ARHGAP15: variants seen among roughly 807,000 people sequenced by gnomAD.
The protein encoded by ARHGAP15 is rho GTPase-activating protein 15.
In ARHGAP15, 51 loss-of-function variants were observed where a neutral mutation model predicts 63.7. The observed-to-expected ratio is 0.80, with a 90% CI of 0.64 to 1.01. The LOEUF is 1.01. Among genes scored for constraint, ARHGAP15 ranks in the 50% least tolerant of loss-of-function variants. The probability of loss-of-function intolerance (pLI) is 0.00; values close to 1 mark genes in which losing one functional copy is unlikely to be tolerated. For missense variants in ARHGAP15, 560 were observed against 564.6 expected (o/e 0.99, Z 0.08); for synonymous variants, 191 against 193.8 (o/e 0.99, Z 0.12).
chr2:143,745,533 C>T (rs1686131258), intron 13 of ARHGAP15, among the ~76,000 whole-genome samples: 1 of 152,278 alleles, frequency 6.6e-6, no homozygotes, highest in East Asian at 1.9e-4. Flanking sequence ...AATCTTGTTT[C>T]TGCCTTTCTA....
intron 11 of ARHGAP15, among the ~76,000 whole-genome samples, chr2:143,609,002 A>T (rs1168347449): frequency 6.6e-6 from 1 of 152,152 alleles, no homozygotes; most frequent in Non-Finnish European, 1.5e-5. Context: ...GCAAGTTTTC[A>T]TGTATTTCTG....
Position 143,303,597 on chromosome 2 carries a change from A to G in ARHGAP15, c.474+52997A>G, listed in dbSNP as rs140113073. On this transcript the variant is annotated intron_variant, in intron 6 of 13. Transcript: ENST00000295095. ...TAAAACACTAAAAGCAATGGCAACA[A>G]AAGCCAAAATTGACAAATGAGATCT... Among the ~76,000 whole-genome samples, 1,462 of 152,278 alleles carry G rather than the reference A, an allele frequency of 9.6e-3. 25 individuals carry two copies. The highest frequency in any genetic ancestry group is 0.034 in the African/African-American group (1,396 of 41,552).
intron 12 of ARHGAP15, among the ~76,000 whole-genome samples, chr2:143,652,675 TAATTCTATTGTA>T (rs1233411916): frequency 6.6e-6 from 1 of 152,102 alleles, no homozygotes; most frequent in Non-Finnish European, 1.5e-5. Flanking sequence ...TTCATATTCT[TAATTCTATTGTA>T]AATTGTATCC....
intron 2 of ARHGAP15, among the ~76,000 whole-genome samples, chr2:143,189,086 T>A (rs1204168225): frequency 6.6e-6 from 1 of 152,220 alleles, no homozygotes; most frequent in African/African-American, 2.4e-5. Context: ...ATTTGATTGA[T>A]AATTTAACAG....
chr2:143,257,026 AAAT>A lies in ARHGAP15; in HGVS notation c.474+6432_474+6434del, dbSNP rs533032200. Among the ~76,000 whole-genome samples, 4 of 152,254 alleles carry A rather than the reference AAAT, an allele frequency of 2.6e-5. No individual in the cohort carries two copies. In the East Asian group the frequency reaches 5.8e-4, roughly 22 times the overall value. On this transcript the variant is annotated intron_variant, in intron 6 of 13. Transcript: ENST00000295095. ...CTTTTTGCACGTTTAATTTTCTAAG[AAAT>A]AATAAAACTTTTTTAAAAAATATAT...
chr2:143,474,696 G>GTTT (rs1691730847), intron 8 of ARHGAP15, among the ~76,000 whole-genome samples: 1 of 152,052 alleles, frequency 6.6e-6, no homozygotes, highest in South Asian at 2.1e-4. Flanking sequence ...AAACAATTTG[G>GTTT]GCGTCTTTTT....
rs183198083 is a variant in ARHGAP15, at chr2:143,170,840, G to T, written c.165+15185G>T. 2.3e-3 allele frequency among the ~76,000 whole-genome samples: 346 copies of T among 152,056 alleles called. 1 individual carries two copies. The highest frequency in any genetic ancestry group is 3.7e-3 in the Non-Finnish European group (251 of 67,966). Reference sequence around the variant, plus strand: ...AACTTATTTATCCTCATTATTATTAGTCAGCATTTTATGTGTTCATATTAT... The same window carrying T: ...AACTTATTTATCCTCATTATTATTATTCAGCATTTTATGTGTTCATATTAT... On this transcript the variant is annotated intron_variant, in intron 2 of 13. Transcript: ENST00000295095.
chr2:143,207,313 T>C, intron 3 of ARHGAP15, among the ~76,000 whole-genome samples: 1 of 152,110 alleles, frequency 6.6e-6, no homozygotes, highest in East Asian at 1.9e-4. Flanking sequence ...CAATACTCTA[T>C]TTTAGCCCCA....
chr2:143,467,482 A>G (rs1691285626), intron 8 of ARHGAP15, among the ~76,000 whole-genome samples: 1 of 151,998 alleles, frequency 6.6e-6, no homozygotes, highest in Admixed American at 6.6e-5. Flanking sequence ...GGGGTTGTAT[A>G]ATCTTCAGGA....
intron 12 of ARHGAP15, among the ~76,000 whole-genome samples, chr2:143,702,702 G>A (rs1306451303): frequency 6.6e-6 from 1 of 152,048 alleles, no homozygotes; most frequent in Non-Finnish European, 1.5e-5. Flanking sequence ...ATCCCTAGAG[G>A]CTCTGTCTCC....
At chr2:143,255,867 G>A (rs1243730790) in intron 6 of ARHGAP15, among the ~76,000 whole-genome samples, 2 of 152,142 alleles carry the variant, frequency 1.3e-5, no homozygotes, top group African/African-American at 2.4e-5. Context: ...AAATAGACCA[G>A]AGTAAGAGAA....
chr2:143,276,390 T>C (rs747894517), intron 6 of ARHGAP15, among the ~76,000 whole-genome samples: 7 of 152,236 alleles, frequency 4.6e-5, no homozygotes, highest in Non-Finnish European at 8.8e-5. Flanking sequence ...CCCTATTTCA[T>C]AAAGCTCTTA....
chr2:143,193,153 G>T (rs1269543117), intron 2 of ARHGAP15, among the ~76,000 whole-genome samples: 1 of 152,180 alleles, frequency 6.6e-6, no homozygotes, highest in African/African-American at 2.4e-5. Context: ...ACAGAGGACA[G>T]ATATTGTACA....
chr2:143,228,577 TA>T lies in ARHGAP15; in HGVS notation c.297-2del. 1 of 1,595,494 alleles carries T rather than the reference TA, an allele frequency of 6.3e-7. No homozygotes were observed. ...TTCTTTCCCTTTTATTTTTTTGTCC[TA>T]AGGAAAAACTGGTCTACTTCCTGGA... On this transcript the variant is annotated splice_region_variant and splice_polypyrimidine_tract_variant and intron_variant, in intron 4 of 13. Coordinates refer to ENST00000295095, the MANE Select transcript of ARHGAP15 (RefSeq NM_018460.4).
intron 13 of ARHGAP15, among the ~76,000 whole-genome samples, chr2:143,762,358 A>G (rs550891470): frequency 1.1e-4 from 16 of 152,120 alleles, no homozygotes; most frequent in Admixed American, 8.5e-4. Flanking sequence ...ATAAAAGGGG[A>G]GTTTCTTTCA....
At chr2:143,594,506 G>C (rs745319430) in intron 11 of ARHGAP15, among the ~76,000 whole-genome samples, 1 of 152,156 alleles carries the variant, frequency 6.6e-6, no homozygotes, top group Non-Finnish European at 1.5e-5. Flanking sequence ...TTGGAATATA[G>C]ATGTGGCTTT....
intron 2 of ARHGAP15, among the ~76,000 whole-genome samples, chr2:143,162,776 T>C (rs1337351037): frequency 6.6e-6 from 1 of 152,074 alleles, no homozygotes; most frequent in African/African-American, 2.4e-5. Flanking sequence ...AGGTTTAATT[T>C]ATGGCAAACT....
At chr2:143,274,819 G>A (rs1457215177) in intron 6 of ARHGAP15, among the ~76,000 whole-genome samples, 2 of 152,076 alleles carry the variant, frequency 1.3e-5, no homozygotes, top group Non-Finnish European at 2.9e-5. Context: ...ATGTATAACT[G>A]AAAATGTCAC....
chr2:143,146,332 G>A (rs541571115), intron 1 of ARHGAP15, among the ~76,000 whole-genome samples: 1 of 152,094 alleles, frequency 6.6e-6, no homozygotes, highest in African/African-American at 2.4e-5. Context: ...AAAGAATATT[G>A]CATAGCAATC....
Sources: gnomAD v4.1 joint callset for allele counts (sites outside exome capture counted in the v4.1 genomes callset) on GRCh38, gnomAD v4.1.1 for gene constraint, MANE v1.5 for transcripts, NCBI Gene and HGNC (gene_info 2026-07-23, HGNC 2026-07-21) for gene names.